Variants in DIP2A observed in about 807,000 individuals in gnomAD.
DIP2A encodes disco-interacting protein 2 homolog A.
DIP2A carries 85 observed loss-of-function variants against 177.4 expected under a neutral mutation model. The observed-to-expected ratio is 0.48, with a 90% CI of 0.40 to 0.57. The LOEUF (loss-of-function observed/expected upper bound fraction) is 0.57, where lower values mean the gene tolerates loss of function less well. Among genes scored for constraint, DIP2A ranks in the 20% least tolerant of loss-of-function variants. The pLI, the probability that DIP2A is intolerant of heterozygous loss-of-function variation, is 0.00. For synonymous variants in DIP2A, 886 were observed against 881.8 expected, an observed-to-expected ratio of 1.00 and a Z score of -0.08; for missense variants, 1,791 against 2,100.2, an observed-to-expected ratio of 0.85 and a Z score of 2.88.
intron 19 of DIP2A, 24 bp downstream of exon 19, chr21:46,545,297 A>G (rs374356816): frequency 3.5e-5 from 56 of 1,580,326 alleles, no homozygotes; most frequent in Non-Finnish European, 7.8e-6. Flanking sequence ...CCTGACTTTC[A>G]TGTTGAAGTT....
At position 46,533,558 on chromosome 21, in the gene DIP2A, G is replaced by T; in HGVS notation, c.1340G>T (p.Gly447Val). The change falls in exon 11 of 38, where the codon GGC becomes GTC. Residue 447 changes from glycine (G) to valine (V), a missense_variant. Coordinates refer to ENST00000417564, the MANE Select transcript of DIP2A (RefSeq NM_015151.4). ...AGSQQVGFLLGSCGVFLALTT... is the reference protein window; with the variant it reads ...AGSQQVGFLLVSCGVFLALTT... ...AGCCAGCAGGTTGGGTTTCTGCTGG[G>T]CAGCTGTGGAGTCTTCTTGGCCCTG... The T allele has an allele frequency of 6.2e-6, 10 of 1,613,982 alleles. No homozygotes were observed. The highest frequency in any genetic ancestry group is 8.5e-6 in the Non-Finnish European group (10 of 1,179,876).
chr21:46,541,364 G>C (rs144744871), intron 17 of DIP2A, among the ~76,000 whole-genome samples: 12 of 152,292 alleles, frequency 7.9e-5, no homozygotes, highest in Non-Finnish European at 1.6e-4. Flanking sequence ...GCCCCCACCT[G>C]GTCTCTCAGA....
the DIP2A span, among the ~76,000 whole-genome samples, chr21:46,577,958 T>G: frequency 6.6e-6 from 1 of 152,254 alleles, no homozygotes; most frequent in South Asian, 2.1e-4. Flanking sequence ...ATAGAAATGC[T>G]TGTCACTTTT....
At chr21:46,483,191 A>G (rs1381753984) in intron 1 of DIP2A, among the ~76,000 whole-genome samples, 5 of 152,234 alleles carry the variant, frequency 3.3e-5, no homozygotes, top group Non-Finnish European at 7.3e-5. Flanking sequence ...GTGATTTATA[A>G]TATGATGCCA....
At position 46,498,804 on chromosome 21, in the gene DIP2A, T is replaced by C. The variant is rs2057498928; in HGVS notation, c.626T>C (p.Leu209Pro). ...ATPGAAATTA[L>P]AGLEAHTHID... ...CCGGGGGCCGCCGCTACCACTGCAC[T>C]CGCAGGCCTCGAGGCCCACACCCAC... Residue 209 changes from leucine to proline, a missense_variant, in exon 5 of 38, where the codon CTC (leucine) becomes CCC (proline). Coordinates refer to ENST00000417564, the MANE Select transcript of DIP2A (RefSeq NM_015151.4). The surrounding 1 kb of genome is among the most constrained non-coding windows in gnomAD (Gnocchi z 4.3). 6.2e-7 allele frequency: 1 copy of C among 1,613,488 alleles called. No homozygotes were observed. Among genetic ancestry groups the C allele is most frequent in the African/African-American group, 1.3e-5 (1 of 74,972 alleles).
intron 3 of DIP2A, 43 bp from the exon 4 acceptor site, chr21:46,496,943 AAC>A (rs1253464616): frequency 1.3e-6 from 2 of 1,542,248 alleles, no homozygotes; most frequent in African/African-American, 1.4e-5. Flanking sequence ...TTACTTTATA[AAC>A]AGTCTTGTAA....
Position 46,554,588 on chromosome 21 carries a change from T to C in DIP2A, c.3168T>C (p.Ile1056=), listed in dbSNP as rs2060390818. ...ALVYPPGVDL[I]AAFYGCLYCG... is the part of the protein sequence containing the mutation. The stretch of plus-strand genomic sequence containing the variant: ...TTGTCTCCACAGGGGTGGACCTCAT[T>C]GCCGCGTTCTATGGCTGCTTGTACT... The change falls in exon 27 of 38, where the codon ATT becomes ATC. Residue 1056 remains isoleucine (I), a synonymous_variant. Coordinates refer to ENST00000417564, the MANE Select transcript of DIP2A (RefSeq NM_015151.4). 6.2e-7 allele frequency: 1 copy of C among 1,611,836 alleles called. No homozygotes were observed. Among genetic ancestry groups the C allele is most frequent in the Non-Finnish European group, 8.5e-7 (1 of 1,179,174 alleles).
intron 2 of DIP2A, among the ~76,000 whole-genome samples, chr21:46,485,044 T>C (rs902602283): frequency 3.3e-5 from 5 of 152,170 alleles, no homozygotes; most frequent in South Asian, 2.1e-4. Flanking sequence ...TCCAAAGGCA[T>C]AGATTATAAT....
chr21:46,564,913 G>A (rs1385321722), intron 35 of DIP2A, among the ~76,000 whole-genome samples: 1 of 152,218 alleles, frequency 6.6e-6, no homozygotes, highest in East Asian at 1.9e-4. Flanking sequence ...TAAGTCAAGG[G>A]TGTACCCCCA....
intron 8 of DIP2A, 21 bp downstream of exon 8, chr21:46,511,635 G>C: frequency 3.3e-6 from 5 of 1,510,076 alleles, no homozygotes; most frequent in Non-Finnish European, 4.4e-6. Context: ...ACAGAAAGCA[G>C]TTGTGCTTCT....
At chr21:46,512,892 T>C (rs1419878253) in intron 8 of DIP2A, among the ~76,000 whole-genome samples, 1 of 152,066 alleles carries the variant, frequency 6.6e-6, no homozygotes, top group African/African-American at 2.4e-5. Context: ...AACTCCTGGC[T>C]AAGGCAGTCC....
At chr21:46,528,085 G>A (rs957505255) in intron 8 of DIP2A, among the ~76,000 whole-genome samples, 2 of 152,152 alleles carry the variant, frequency 1.3e-5, no homozygotes, top group African/African-American at 2.4e-5. Flanking sequence ...TGTGCCTGGC[G>A]TGAGGTCCTG....
intron 1 of DIP2A, among the ~76,000 whole-genome samples, chr21:46,484,443 G>T (rs2032110): frequency 0.83 from 126,238 of 152,150 alleles, 52,725 homozygotes; most frequent in African/African-American, 0.92. Flanking sequence ...GCAACCACTA[G>T]CTGTATCTGA....
intron 8 of DIP2A, among the ~76,000 whole-genome samples, chr21:46,527,671 T>G (rs1819225740): frequency 6.6e-6 from 1 of 152,058 alleles, no homozygotes; most frequent in African/African-American, 2.4e-5. Flanking sequence ...CACAGTTCAC[T>G]TATTTCATAG....
chr21:46,538,710 A>G (rs993380780), intron 16 of DIP2A, 108 bp downstream of exon 16: 3 of 1,423,514 alleles, frequency 2.1e-6, no homozygotes, highest in Non-Finnish European at 1.9e-6. Flanking sequence ...TGCCATTGTC[A>G]TATAGATACA....
chr21:46,484,994 CTG>C (rs2056592966), intron 2 of DIP2A, among the ~76,000 whole-genome samples, 166 bp downstream of exon 2: 3 of 152,218 alleles, frequency 2.0e-5, no homozygotes, highest in Admixed American at 6.5e-5. Flanking sequence ...GTTGCCCAGG[CTG>C]GTCTTGAAAA....
chr21:46,528,107 A>G (rs2059183542), intron 8 of DIP2A, among the ~76,000 whole-genome samples: 1 of 152,128 alleles, frequency 6.6e-6, no homozygotes, highest in African/African-American at 2.4e-5. Flanking sequence ...TGGCTTTCCA[A>G]GTAAAGAATG....
In DIP2A at chr21:46,550,652, G is replaced by T. The variant is rs572074409; in HGVS notation, c.2747G>T (p.Arg916Leu). Residue 916 changes from arginine (R) to leucine (L), a missense_variant, in exon 23 of 38, where the codon CGC (arginine) becomes CTC (leucine). Transcript: ENST00000417564. ...ATTCACATTTCTGAAACCAAACAGC[G>T]CTTTCTGGAAGGGACGCTGCACCCG... The part of the protein sequence containing the change: ...GGIHISETKQ[R>L]FLEGTLHPCN... The T allele has an allele frequency of 6.2e-7, 1 of 1,613,946 alleles. No individual in the cohort carries two copies. The highest frequency in any genetic ancestry group is 1.1e-5 in the South Asian group (1 of 91,054).
chr21:46,474,634 T>G (rs1207367262), intron 1 of DIP2A, among the ~76,000 whole-genome samples: 1 of 152,168 alleles, frequency 6.6e-6, no homozygotes, highest in Non-Finnish European at 1.5e-5. Context: ...AGAGGTTTTT[T>G]TGTTTTTTGG....
Sources: gnomAD v4.1 joint callset for allele counts (sites outside exome capture counted in the v4.1 genomes callset) on GRCh38, gnomAD v4.1.1 for gene constraint, Gnocchi (gnomAD v3.1) non-coding constraint, MANE v1.5 for transcripts, NCBI Gene and HGNC (gene_info 2026-07-23, HGNC 2026-07-21) for gene names.